The following HMGCLL1 variants were observed in gnomAD, a reference collection of about 807,000 sequenced individuals.
HMGCLL1 encodes the protein 3-hydroxymethyl-3-methylglutaryl-CoA lyase, cytoplasmic.
In HMGCLL1, 36 loss-of-function variants were observed where a neutral mutation model predicts 39.1. The observed-to-expected ratio is 0.92, with a 90% CI of 0.71 to 1.22. The LOEUF (loss-of-function observed/expected upper bound fraction) is 1.22. Among genes scored for constraint, HMGCLL1 ranks in the 50% most tolerant of loss-of-function variants. The probability of loss-of-function intolerance (pLI) is 0.00; values close to 1 mark genes in which losing one functional copy is unlikely to be tolerated. For missense variants in HMGCLL1, 451 were observed against 416.5 expected (o/e 1.08, Z -0.72); for synonymous variants, 149 against 144.0 (o/e 1.03, Z -0.25).
chr6:55,530,081 CGGG>C lies in HMGCLL1; in HGVS notation c.297+11645_297+11647del, dbSNP rs1554151799. Among the ~76,000 whole-genome samples, 3 of 13,004 alleles carry C rather than the reference CGGG, an allele frequency of 2.3e-4. No homozygotes were observed. In the Admixed American group the frequency reaches 3.5e-3, roughly 15 times the overall value. The allele number at this position is 13,004 out of a possible 152,430, so 8.5% of individuals were successfully genotyped here. On this transcript the variant is annotated intron_variant, in intron 3 of 8. Transcript: ENST00000274901. ...GAGGATCTGGTGGGGGGTTGGGGGG[CGGG>C]GTGTGGATGACTATATTTGGGCTAC... is the stretch of plus-strand genomic sequence containing the variant.
chr6:55,462,314 G>A (rs1314077481), intron 7 of HMGCLL1, among the ~76,000 whole-genome samples: 1 of 151,886 alleles, frequency 6.6e-6, no homozygotes, highest in African/African-American at 2.4e-5. Flanking sequence ...AACTACATAC[G>A]AAATAACTTC....
the HMGCLL1 span, among the ~76,000 whole-genome samples, chr6:55,657,898 G>T: frequency 1.3e-5 from 2 of 151,820 alleles, no homozygotes; most frequent in Non-Finnish European, 2.9e-5. Context: ...ACACACTGGG[G>T]CTTTTTGGAG....
chr6:55,545,885 G>A (rs1488521167), intron 1 of HMGCLL1, among the ~76,000 whole-genome samples: 2 of 152,094 alleles, frequency 1.3e-5, no homozygotes, highest in South Asian at 4.1e-4. Context: ...TAGTCAACAA[G>A]TATGAAAGGC....
intron 6 of HMGCLL1, among the ~76,000 whole-genome samples, chr6:55,498,125 T>C (rs1450450976): frequency 6.6e-6 from 1 of 152,110 alleles, no homozygotes; most frequent in Non-Finnish European, 1.5e-5. Context: ...CCAAGGTGTG[T>C]GTGGTTCATT....
chr6:55,556,980 T>G (rs1343917888), intron 1 of HMGCLL1, among the ~76,000 whole-genome samples: 1 of 152,202 alleles, frequency 6.6e-6, no homozygotes, highest in Admixed American at 6.5e-5. Flanking sequence ...AGTAAATTGT[T>G]AAATGTATTC....
chr6:55,549,051 T>C (rs1770157840), intron 1 of HMGCLL1, among the ~76,000 whole-genome samples: 1 of 151,594 alleles, frequency 6.6e-6, no homozygotes, highest in Admixed American at 6.6e-5. Context: ...TTTATTTTAA[T>C]AAATAAAATT....
chr6:55,493,961 T>G (rs1468928912), intron 7 of HMGCLL1, among the ~76,000 whole-genome samples: 1 of 151,964 alleles, frequency 6.6e-6, no homozygotes, highest in Non-Finnish European at 1.5e-5. Context: ...GGTCTTGATC[T>G]CCTGACCTCG....
rs1766116858 is a variant in HMGCLL1, at chr6:55,487,845, G to A, written c.795+7574C>T. Among the ~76,000 whole-genome samples the A allele has an allele frequency of 1.3e-5, 2 of 151,692 alleles. 1 individual carries two copies. Among genetic ancestry groups the A allele is most frequent in the South Asian group, 4.2e-4 (2 of 4,808 alleles). On this transcript the variant is annotated intron_variant, in intron 7 of 8. Transcript: ENST00000274901. The stretch of plus-strand genomic sequence containing the variant: ...CAGTATTAAAAAAAAATAAAATAAA[G>A]ACAAAAACAAGAAATACTTCACCCC...
chr6:55,668,744 C>T, the HMGCLL1 span, among the ~76,000 whole-genome samples: 1 of 151,928 alleles, frequency 6.6e-6, no homozygotes, highest in Admixed American at 6.6e-5. Flanking sequence ...GGGAAGGAAA[C>T]TGCCAGATCT....
intron 5 of HMGCLL1, among the ~76,000 whole-genome samples, chr6:55,508,683 T>G (rs1561925257): frequency 6.6e-6 from 1 of 151,822 alleles, no homozygotes; most frequent in Non-Finnish European, 1.5e-5. Context: ...TGTTTCACAT[T>G]GACATATATA....
the HMGCLL1 span, among the ~76,000 whole-genome samples, chr6:55,613,495 G>T: frequency 6.6e-6 from 1 of 152,026 alleles, no homozygotes; most frequent in Non-Finnish European, 1.5e-5. Context: ...ACATGCACAC[G>T]TATGTTTATT....
At chr6:55,560,804 C>T (rs1295046644) in intron 1 of HMGCLL1, among the ~76,000 whole-genome samples, 1 of 152,068 alleles carries the variant, frequency 6.6e-6, no homozygotes, top group Admixed American at 6.6e-5. Context: ...TATTTCCTCA[C>T]AAAAAACAGC....
intron 5 of HMGCLL1, among the ~76,000 whole-genome samples, chr6:55,502,482 T>C (rs193105237): frequency 6.6e-6 from 1 of 151,938 alleles, no homozygotes; most frequent in East Asian, 1.9e-4. Flanking sequence ...AGGCATTTTC[T>C]ACTAACCTTA....
chr6:55,616,679 AG>A, the HMGCLL1 span, among the ~76,000 whole-genome samples: 1 of 152,268 alleles, frequency 6.6e-6, no homozygotes, highest in African/African-American at 2.4e-5. Context: ...ATTATTAACT[AG>A]AAAATTAAAG....
At chr6:55,487,733 T>C (rs779512816) in intron 7 of HMGCLL1, among the ~76,000 whole-genome samples, 4 of 152,086 alleles carry the variant, frequency 2.6e-5, no homozygotes, top group Non-Finnish European at 5.9e-5. Flanking sequence ...GTCCATCTTC[T>C]AAATAAAATT....
chr6:55,619,013 A>C, the HMGCLL1 span, among the ~76,000 whole-genome samples: 2 of 152,194 alleles, frequency 1.3e-5, no homozygotes, highest in South Asian at 2.1e-4. Context: ...AAGAAAAAAC[A>C]AAAGGAGGAA....
chr6:55,511,180 A>G (rs1278222714), intron 5 of HMGCLL1, among the ~76,000 whole-genome samples: 1 of 152,078 alleles, frequency 6.6e-6, no homozygotes, highest in East Asian at 1.9e-4. Context: ...TTAGACAGTT[A>G]ATAGAAAAAT....
At chr6:55,527,451 C>T (rs1768381992) in intron 3 of HMGCLL1, among the ~76,000 whole-genome samples, 2 of 152,016 alleles carry the variant, frequency 1.3e-5, no homozygotes, top group African/African-American at 4.8e-5. Flanking sequence ...CAAATTAGCA[C>T]ATTCTAGGCC....
intron 7 of HMGCLL1, among the ~76,000 whole-genome samples, chr6:55,494,997 A>T (rs1766498782): frequency 6.6e-6 from 1 of 152,124 alleles, no homozygotes. Flanking sequence ...TCAGCACCAG[A>T]TCTTCCCATC....
Sources: gnomAD v4.1 joint callset for allele counts (sites outside exome capture counted in the v4.1 genomes callset) on GRCh38, gnomAD v4.1.1 for gene constraint, MANE v1.5 for transcripts, NCBI Gene and HGNC (gene_info 2026-07-23, HGNC 2026-07-21) for gene names.